Variants in GALNT15 observed in about 807,000 individuals in gnomAD.
The protein encoded by GALNT15 is UDP-GalNAc transferase T15.
A neutral mutation model predicts 66.8 loss-of-function variants in GALNT15; 67 were observed. The ratio of observed to expected loss-of-function variants is 1.00; its 90% confidence interval spans 0.82 to 1.23. The LOEUF (loss-of-function observed/expected upper bound fraction) is 1.23. GALNT15 is among the 50% of genes most tolerant of loss of function. The pLI, the probability that GALNT15 is intolerant of heterozygous loss-of-function variation, is 0.00. For missense variants in GALNT15, 827 were observed against 804.3 expected (o/e 1.03, Z -0.34); for synonymous variants, 313 against 311.5 (o/e 1.00, Z -0.05).
At chr3:16,192,447 C>G (rs905995218) in intron 1 of GALNT15, among the ~76,000 whole-genome samples, 1 of 152,166 alleles carries the variant, frequency 6.6e-6, no homozygotes, top group Non-Finnish European at 1.5e-5. Context: ...CTCCCGGCAA[C>G]AAGCCCAATT....
chr3:16,208,598 A>G lies in GALNT15; in HGVS notation c.1007A>G (p.Lys336Arg). Residue 336 changes from lysine to arginine, a missense_variant, in exon 4 of 10, where the codon AAG (lysine) becomes AGG (arginine). Lys to Arg is a conservative substitution (Grantham distance 26). Transcript: ENST00000339732. The part of the protein sequence containing the change: ...KDLQRGVLDW[K>R]LDFHWEPLPE... ...CTGCAGCGTGGGGTGTTGGACTGGA[A>G]GCTGGATTTCCACTGGGAACCTTTG... The G allele has an allele frequency of 1.2e-6, 2 of 1,614,142 alleles. No individual in the cohort carries two copies. Among genetic ancestry groups the G allele is most frequent in the Non-Finnish European group, 1.7e-6 (2 of 1,180,024 alleles).
intron 6 of GALNT15, 90 bp downstream of exon 6, chr3:16,212,853 G>C: frequency 8.6e-7 from 1 of 1,158,048 alleles, no homozygotes; most frequent in African/African-American, 1.5e-5. Flanking sequence ...CTTGCCTGGA[G>C]GGGAAAACAG....
chr3:16,232,469 AATATATATATATATAT>A (rs374444719), downstream of GALNT15, among the ~76,000 whole-genome samples: 1,506 of 38,774 alleles, frequency 0.039, 118 homozygotes, highest in African/African-American at 0.11. Context: ...TAAATAAATA[AATATATATATATATAT>A]ATATATATAT....
rs1302645900 is a variant in GALNT15, at chr3:16,195,014, C to T, written c.540-746C>T. ...AATTTTAAAAAATAGTAAGTGCTAA[C>T]ATTTAAAAATTGTGTGCCAGGTGCT... On this transcript the variant is annotated intron_variant, in intron 1 of 9. Transcript: ENST00000339732. This position sits in a 1 kb window ranked among gnomAD's most constrained non-coding sequence, Gnocchi z 4.6. 6.6e-6 allele frequency among the ~76,000 whole-genome samples: 1 copy of T among 152,168 alleles called. No homozygotes were observed. The highest frequency in any genetic ancestry group is 1.5e-5 in the Non-Finnish European group (1 of 68,028).
the GALNT15 span, among the ~76,000 whole-genome samples, chr3:16,246,543 C>G: frequency 6.6e-6 from 1 of 151,998 alleles, no homozygotes; most frequent in Non-Finnish European, 1.5e-5. Flanking sequence ...AGGATGGTCT[C>G]GATCTCTTGA....
rs1459311006 is a variant in GALNT15 at position 16,225,174 on chromosome 3, A to C, written c.1774-2180A>C. 1.3e-5 allele frequency among the ~76,000 whole-genome samples: 2 copies of C among 152,066 alleles called. No individual in the cohort carries two copies. The highest frequency in any genetic ancestry group is 2.4e-5 in the African/African-American group (1 of 41,402). On this transcript the variant is annotated intron_variant, in intron 9 of 9. Coordinates refer to ENST00000339732, the MANE Select transcript of GALNT15 (RefSeq NM_054110.5). This position sits in a 1 kb window ranked among gnomAD's most constrained non-coding sequence, Gnocchi z 4.4. ...GGGGGAGGGGGTGCCACACACTCTT[A>C]AATGACCAGATCCTCAAGAACTCGC... is the stretch of plus-strand genomic sequence containing the variant.
intron 5 of GALNT15, 57 bp from the exon 6 acceptor site, chr3:16,212,512 T>C: frequency 6.5e-7 from 1 of 1,529,748 alleles, no homozygotes; most frequent in Non-Finnish European, 8.9e-7. Context: ...GGCTCCCTAT[T>C]TCCCGCCGTT....
rs1045962150 is a variant in GALNT15 at position 16,225,325 on chromosome 3, A to T, written c.1774-2029A>T. 6.6e-6 allele frequency among the ~76,000 whole-genome samples: 1 copy of T among 152,232 alleles called. No homozygotes were observed. The highest frequency in any genetic ancestry group is 2.1e-4 in the South Asian group (1 of 4,836). The stretch of plus-strand genomic sequence containing the variant: ...AGATTTAGGGAGGACCAACATCCAA[A>T]CTATATCAACTACTAAACTTTACAC... On this transcript the variant is annotated intron_variant, in intron 9 of 9. Transcript: ENST00000339732. The surrounding 1 kb of genome is among the most constrained non-coding windows in gnomAD (Gnocchi z 4.4).
At chr3:16,243,244 G>A in the GALNT15 span, among the ~76,000 whole-genome samples, 6 of 152,232 alleles carry the variant, frequency 3.9e-5, no homozygotes, top group Non-Finnish European at 5.9e-5. Flanking sequence ...TGACCTGGAT[G>A]TCGTGCAAGA....
the GALNT15 span, among the ~76,000 whole-genome samples, chr3:16,245,154 C>T: frequency 9.9e-5 from 15 of 152,192 alleles, no homozygotes; most frequent in Non-Finnish European, 1.9e-4. Context: ...TTATACAACG[C>T]ATCCTGTATA....
chr3:16,197,892 AC>A (rs529850902), intron 2 of GALNT15, among the ~76,000 whole-genome samples: 43 of 144,780 alleles, frequency 3.0e-4, no homozygotes, highest in Non-Finnish European at 6.2e-4. Context: ...ATGCCAAACA[AC>A]CATCGCAGTC....
rs1219046250 is a variant in GALNT15, at chr3:16,176,208, G to A, written c.539+518G>A. Among the ~76,000 whole-genome samples the A allele has an allele frequency of 2.0e-5, 3 of 152,204 alleles. No individual in the cohort carries two copies. Among genetic ancestry groups the A allele is most frequent in the South Asian group, 4.1e-4 (2 of 4,828 alleles). ...TTTACATTTAGGGGGCTCTTCCCAT[G>A]CGTCTGGATTTACTTTACAAGCTTT... On this transcript the variant is annotated intron_variant, in intron 1 of 9. Coordinates refer to ENST00000339732, the MANE Select transcript of GALNT15 (RefSeq NM_054110.5). The surrounding 1 kb of genome is among the most constrained non-coding windows in gnomAD (Gnocchi z 5.6).
Position 16,211,786 on chromosome 3 carries a change from T to A in GALNT15, c.1197+545T>A, listed in dbSNP as rs2124886871. On this transcript the variant is annotated intron_variant, in intron 5 of 9. Coordinates refer to ENST00000339732, the MANE Select transcript of GALNT15 (RefSeq NM_054110.5). The surrounding 1 kb of genome is among the most constrained non-coding windows in gnomAD (Gnocchi z 4.3). ...CCGAAAACCCAACACCAAAAAAAAT[T>A]CATCATCAAGAGTGCAGAGATCTAA... 6.6e-6 allele frequency among the ~76,000 whole-genome samples: 1 copy of A among 152,246 alleles called. No individual in the cohort carries two copies. The highest frequency in any genetic ancestry group is 2.4e-5 in the African/African-American group (1 of 41,526).
At position 16,195,335 on chromosome 3, in the gene GALNT15, A is replaced by G. The variant is rs754847163; in HGVS notation, c.540-425A>G. Among the ~76,000 whole-genome samples, 26 of 152,148 alleles carry G rather than the reference A, an allele frequency of 1.7e-4. No homozygotes were observed. Among genetic ancestry groups the G allele is most frequent in the Non-Finnish European group, 3.2e-4 (22 of 68,048 alleles). On this transcript the variant is annotated intron_variant, in intron 1 of 9. Transcript: ENST00000339732. The surrounding 1 kb of genome is among the most constrained non-coding windows in gnomAD (Gnocchi z 4.6). ...AGCTTGTTAGAAATGCAAATTCTTC[A>G]GCCCCACTCCATCTCCAGAAACTCT...
At chr3:16,197,788 T>A (rs932643421) in intron 2 of GALNT15, among the ~76,000 whole-genome samples, 2 of 152,186 alleles carry the variant, frequency 1.3e-5, no homozygotes, top group African/African-American at 4.8e-5. Context: ...ACTGCTGTTT[T>A]CTGGAGGGAA....
chr3:16,236,708 C>G (rs2064127416), downstream of GALNT15, among the ~76,000 whole-genome samples: 1 of 152,212 alleles, frequency 6.6e-6, no homozygotes, highest in African/African-American at 2.4e-5. Context: ...TATGAGCACA[C>G]TCCAGTCCTT....
In GALNT15 at chr3:16,228,286, C is replaced by G; in HGVS notation, c.*786C>G. On this transcript the variant is annotated 3_prime_UTR_variant, in exon 10 of 10. Coordinates refer to ENST00000339732, the MANE Select transcript of GALNT15 (RefSeq NM_054110.5). ...CCCTTGCAATCGATTTCTCTTTAGT[C>G]GTTGGTGTTAGAAGTACCAGCACAA... is the stretch of plus-strand genomic sequence containing the variant. The G allele has an allele frequency of 2.0e-6, 2 of 985,756 alleles. No individual in the cohort carries two copies. The highest frequency in any genetic ancestry group is 2.4e-6 in the Non-Finnish European group (2 of 829,924). The allele number at this position is 985,756 out of a possible 1,614,324, so 61.1% of individuals were successfully genotyped here.
intron 4 of GALNT15, among the ~76,000 whole-genome samples, chr3:16,210,619 G>C (rs1220274439): frequency 6.6e-6 from 1 of 152,124 alleles, no homozygotes; most frequent in Non-Finnish European, 1.5e-5. Context: ...TTTTCCCCTA[G>C]GGCAGTGGGG....
chr3:16,174,953 G>C lies in GALNT15; in HGVS notation c.-199G>C. The stretch of plus-strand genomic sequence containing the variant: ...TCAGAGAGGACTTGGGGTGAAACTT[G>C]GGTCCTGTGGTTTTCTGATTGTAAG... On this transcript the variant is annotated 5_prime_UTR_variant, in exon 1 of 10. Transcript: ENST00000339732. This position sits in a 1 kb window ranked among gnomAD's most constrained non-coding sequence, Gnocchi z 4.7. 1.8e-6 allele frequency: 1 copy of C among 566,774 alleles called. No homozygotes were observed. Among genetic ancestry groups the C allele is most frequent in the Admixed American group, 3.0e-5 (1 of 33,404 alleles). The allele number at this position is 566,774 out of a possible 1,614,324, so 35.1% of individuals were successfully genotyped here. A position where few individuals can be genotyped will look rare whatever the true frequency, so the allele number is the denominator to read the frequency against.
Sources: gnomAD v4.1 joint callset for allele counts (sites outside exome capture counted in the v4.1 genomes callset) on GRCh38, gnomAD v4.1.1 for gene constraint, Gnocchi (gnomAD v3.1) non-coding constraint, MANE v1.5 for transcripts, NCBI Gene and HGNC (gene_info 2026-07-23, HGNC 2026-07-21) for gene names.